Variants in NUP210L observed in about 807,000 individuals in gnomAD.
NUP210L encodes nucleoporin 210 like.
A neutral mutation model predicts 208.5 loss-of-function variants in NUP210L; 74 were observed. The observed-to-expected ratio is 0.35, with a 90% CI of 0.29 to 0.43. NUP210L has a LOEUF of 0.43. Ranked by LOEUF, NUP210L falls within the 20% of genes least tolerant of loss-of-function variation. NUP210L has a pLI of 1.00. For missense variants in NUP210L, 1,843 were observed against 2,289.4 expected (o/e 0.81, Z 3.98); for synonymous variants, 780 against 816.9 (o/e 0.95, Z 0.77).
intron 12 of NUP210L, among the ~76,000 whole-genome samples, chr1:154,113,163 A>AT (rs199946601): frequency 1.9e-5 from 2 of 102,656 alleles, no homozygotes; most frequent in Non-Finnish European, 3.9e-5. Context: ...CTCTTAAAAA[A>AT]AAAAATATAT....
chr1:154,014,281 T>C (rs1300077500), intron 33 of NUP210L, among the ~76,000 whole-genome samples: 1 of 152,180 alleles, frequency 6.6e-6, no homozygotes, highest in African/African-American at 2.4e-5. Context: ...GAATATTAAA[T>C]GAGGATTCGA....
intron 7 of NUP210L, among the ~76,000 whole-genome samples, chr1:154,133,660 C>T (rs765229577): frequency 1.3e-5 from 2 of 151,344 alleles, no homozygotes; most frequent in Non-Finnish European, 2.9e-5. Flanking sequence ...GGCAACATGG[C>T]GAGACCTTGT....
At chr1:154,059,709 T>C (rs1018416486) in intron 20 of NUP210L, among the ~76,000 whole-genome samples, 1 of 152,196 alleles carries the variant, frequency 6.6e-6, no homozygotes, top group African/African-American at 2.4e-5. Flanking sequence ...CTACAGTTCC[T>C]GCACAATAGC....
chr1:154,061,115 C>G, intron 18 of NUP210L, 69 bp from the exon 19 acceptor site: 2 of 1,072,592 alleles, frequency 1.9e-6, no homozygotes, highest in Non-Finnish European at 2.9e-6. Flanking sequence ...CGGTGGCTTA[C>G]GCTTGTAATC....
At position 154,127,108 on chromosome 1, in the gene NUP210L, T is replaced by TA. The variant is rs5777889; in HGVS notation, c.1185+202dup. On this transcript the variant is annotated intron_variant, in intron 9 of 39. Transcript: ENST00000368559. ...GTGACAGAGCGAGACTGTGTCTCTT[T>TA]AAAAAAAAAAAAAAAAGAAGAAAAA... 3.5e-3 allele frequency among the ~76,000 whole-genome samples: 468 copies of TA among 132,558 alleles called. 2 individuals are homozygous for TA. The highest frequency in any genetic ancestry group is 9.8e-3 in the South Asian group (41 of 4,202). The allele number at this position is 132,558 out of a possible 152,430, so 87.0% of individuals were successfully genotyped here. A position where few individuals can be genotyped will look rare whatever the true frequency, so the allele number is the denominator to read the frequency against.
chr1:154,061,768 A>T, intron 17 of NUP210L, 94 bp from the exon 18 acceptor site: 2 of 796,494 alleles, frequency 2.5e-6, no homozygotes, highest in South Asian at 3.1e-5. Flanking sequence ...AGTTTTTCCA[A>T]ATGGTGCTTT....
intron 35 of NUP210L, among the ~76,000 whole-genome samples, chr1:154,007,674 G>A (rs1438335697): frequency 6.6e-6 from 1 of 151,702 alleles, no homozygotes; most frequent in Non-Finnish European, 1.5e-5. Context: ...CCGGGTTCAC[G>A]CCATTCTCCT....
intron 2 of NUP210L, among the ~76,000 whole-genome samples, chr1:154,151,894 G>A (rs922497183): frequency 5.3e-5 from 8 of 151,656 alleles, no homozygotes; most frequent in Non-Finnish European, 2.9e-5. Context: ...TTTGAGACCA[G>A]CCTGACCAAC....
At chr1:154,056,816 T>C in exon 23 of NUP210L, 1 of 1,563,634 alleles carries the variant, frequency 6.4e-7, no homozygotes, top group Non-Finnish European at 8.6e-7. Flanking sequence ...TTTCCTTACT[T>C]CAATGTGCCG....
rs537507639 is a variant in NUP210L at position 153,997,279 on chromosome 1, C to T, written c.5387-2099G>A. On this transcript the variant is annotated intron_variant, in intron 37 of 39. Coordinates refer to ENST00000368559, the Ensembl canonical transcript of NUP210L. ...GCGCTGGCCTTTTTTTTTTTTTTAA[C>T]ACCTGAATAATTTAAATGTTTTTCT... Among the ~76,000 whole-genome samples the T allele has an allele frequency of 4.2e-5, 6 of 144,528 alleles. No individual in the cohort carries two copies. In the South Asian group the frequency reaches 1.1e-3, roughly 27 times the overall value. 94.8% of individuals were successfully genotyped at this position (144,528 alleles called of 152,430 possible).
intron 27 of NUP210L, among the ~76,000 whole-genome samples, chr1:154,035,940 G>C (rs1265779578): frequency 6.6e-6 from 1 of 151,380 alleles, no homozygotes; most frequent in Non-Finnish European, 1.5e-5. Context: ...TCACCATCTT[G>C]GCCAGGCTGG....
chr1:154,137,967 A>T, intron 6 of NUP210L, 139 bp downstream of exon 6: 1 of 534,200 alleles, frequency 1.9e-6, no homozygotes. Context: ...GTCTAATATT[A>T]GTTAAGTACA....
At chr1:154,078,258 G>A (rs907983270) in intron 16 of NUP210L, among the ~76,000 whole-genome samples, 4 of 151,530 alleles carry the variant, frequency 2.6e-5, no homozygotes, top group Non-Finnish European at 4.4e-5. Flanking sequence ...TGGAGGTTAC[G>A]GTGAACCATG....
intron 38 of NUP210L, among the ~76,000 whole-genome samples, chr1:153,993,458 C>G (rs1331380478): frequency 1.3e-5 from 2 of 151,838 alleles, no homozygotes; most frequent in Non-Finnish European, 2.9e-5. Flanking sequence ...CCCAGCTACT[C>G]AGGAGGCTGA....
chr1:154,117,769 A>G (rs1437416556), exon 12 of NUP210L: 4 of 1,613,814 alleles, frequency 2.5e-6, no homozygotes, highest in Non-Finnish European at 3.4e-6. Context: ...TCTCGGGCCA[A>G]AACAGTACTA....
chr1:154,006,862 A>C (rs1439623968), intron 35 of NUP210L, among the ~76,000 whole-genome samples: 1 of 142,360 alleles, frequency 7.0e-6, no homozygotes, highest in Non-Finnish European at 1.5e-5. Context: ...AAATATATAC[A>C]TATACATACA....
intron 16 of NUP210L, among the ~76,000 whole-genome samples, chr1:154,088,082 A>C (rs922053783): frequency 2.0e-5 from 3 of 152,184 alleles, no homozygotes; most frequent in African/African-American, 7.2e-5. Flanking sequence ...TCACGCCTCT[A>C]ATCCCAGCAC....
Position 154,046,220 on chromosome 1 carries a change from T to A in NUP210L, c.3565-20A>T. 2.5e-6 allele frequency: 4 copies of A among 1,614,144 alleles called. No individual in the cohort carries two copies. Among genetic ancestry groups the A allele is most frequent in the Non-Finnish European group, 3.4e-6 (4 of 1,180,016 alleles). On this transcript the variant is annotated intron_variant, in intron 26 of 39. Coordinates refer to ENST00000368559, the Ensembl canonical transcript of NUP210L. ...TGGCATCTGAAAATAAATAGCAGCATTGTGCTATATATTCTGCCCAGTTGC... is the reference window on the plus strand; with the variant it reads ...TGGCATCTGAAAATAAATAGCAGCAATGTGCTATATATTCTGCCCAGTTGC...
intron 3 of NUP210L, among the ~76,000 whole-genome samples, chr1:154,142,697 C>G (rs1225284466): frequency 1.3e-5 from 2 of 151,804 alleles, no homozygotes; most frequent in Non-Finnish European, 1.5e-5. Flanking sequence ...TCGAGACCAG[C>G]CTGGTCAACA....
Sources: allele counts gnomAD v4.1 joint callset (sites outside exome capture counted in the v4.1 genomes callset), GRCh38; gene constraint gnomAD v4.1.1; transcripts MANE v1.5; gene names NCBI Gene and HGNC (gene_info 2026-07-23, HGNC 2026-07-21).